The following ZNF366 variants were observed in gnomAD, a reference collection of about 807,000 sequenced individuals.
ZNF366 encodes zinc finger protein 366.
Under a neutral mutation model 47.2 loss-of-function variants are expected in ZNF366, and 20 were observed. That is an observed-to-expected ratio of 0.42 (90% CI 0.30 to 0.62). The LOEUF is 0.62. ZNF366 is among the 20% of genes least tolerant of loss of function. The pLI is 0.16. For synonymous variants in ZNF366, 421 were observed against 395.1 expected, an observed-to-expected ratio of 1.07 and a Z score of -0.78; for missense variants, 987 against 976.3, an observed-to-expected ratio of 1.01 and a Z score of -0.15.
chr5:72,462,584 T>A (rs1034606882), intron 1 of ZNF366, among the ~76,000 whole-genome samples: 1 of 144,878 alleles, frequency 6.9e-6, no homozygotes, highest in African/African-American at 2.6e-5. Flanking sequence ...CTGGCTCTGT[T>A]GCCCAGGCTG....
At chr5:72,497,107 C>A (rs141382077) in intron 1 of ZNF366, among the ~76,000 whole-genome samples, 1 of 151,978 alleles carries the variant, frequency 6.6e-6, no homozygotes, top group African/African-American at 2.4e-5. Flanking sequence ...ATTTTTATAA[C>A]GGTATCTTTT....
At chr5:72,445,423 G>A (rs1427749271) in intron 4 of ZNF366, among the ~76,000 whole-genome samples, 1 of 152,130 alleles carries the variant, frequency 6.6e-6, no homozygotes, top group East Asian at 1.9e-4. Context: ...TTTTGATGCT[G>A]TCAGGCAATG....
At chr5:72,476,228 A>T (rs1439682301) in intron 1 of ZNF366, among the ~76,000 whole-genome samples, 1 of 152,050 alleles carries the variant, frequency 6.6e-6, no homozygotes, top group Non-Finnish European at 1.5e-5. Context: ...ATCACTTTGG[A>T]AGTTTTAAAC....
chr5:72,463,518 A>T (rs1480817482), intron 1 of ZNF366, among the ~76,000 whole-genome samples: 1 of 152,224 alleles, frequency 6.6e-6, no homozygotes, highest in Non-Finnish European at 1.5e-5. Context: ...AGCAAATGGT[A>T]GGCCCAGCCT....
At chr5:72,472,192 C>T (rs895528464) in intron 1 of ZNF366, among the ~76,000 whole-genome samples, 1 of 152,158 alleles carries the variant, frequency 6.6e-6, no homozygotes, top group Non-Finnish European at 1.5e-5. Flanking sequence ...AGGAACTCAC[C>T]ATCTAGTGAA....
chr5:72,456,922 C>A (rs951685593), intron 2 of ZNF366, among the ~76,000 whole-genome samples: 4 of 151,992 alleles, frequency 2.6e-5, no homozygotes, highest in African/African-American at 9.7e-5. Flanking sequence ...AGTAAGAGCA[C>A]TATGGGCTGA....
chr5:72,481,636 A>T (rs999260140), intron 1 of ZNF366, among the ~76,000 whole-genome samples: 10 of 152,230 alleles, frequency 6.6e-5, no homozygotes, highest in Non-Finnish European at 1.3e-4. Context: ...TTATACTTAT[A>T]TTACTCATTT....
In ZNF366 at chr5:72,460,550, T is replaced by C. The variant is rs535536825; in HGVS notation, c.947A>G (p.Lys316Arg). The C allele has an allele frequency of 7.4e-6, 12 of 1,614,104 alleles. No homozygotes were observed. In the Admixed American group the frequency reaches 1.7e-4, roughly 22 times the overall value. The change falls in exon 2 of 5, where the codon AAG (lysine) becomes AGG (arginine). Residue 316 changes from lysine (K) to arginine (R), a missense_variant. Coordinates refer to ENST00000318442, the MANE Select transcript of ZNF366 (RefSeq NM_152625.3). ...TRPHKCQVCH[K>R]AFTQTSHLKR... ...CAGGTGGCTGGTCTGGGTGAAGGCCTTGTGGCACACCTGGCACTTGTGGGG... is the reference window on the plus strand; with the variant it reads ...CAGGTGGCTGGTCTGGGTGAAGGCCCTGTGGCACACCTGGCACTTGTGGGG...
At chr5:72,484,360 T>C (rs1459840970) in intron 1 of ZNF366, among the ~76,000 whole-genome samples, 1 of 149,148 alleles carries the variant, frequency 6.7e-6, no homozygotes, top group Admixed American at 6.7e-5. Flanking sequence ...GGCGGGCGCC[T>C]GTAGTCCCAG....
chr5:72,452,080 G>A (rs917981034), intron 3 of ZNF366, among the ~76,000 whole-genome samples: 43 of 152,200 alleles, frequency 2.8e-4, no homozygotes, highest in African/African-American at 9.9e-4. Context: ...AGCCAGCCTG[G>A]TGTGAGCTTT....
At chr5:72,462,708 G>A (rs572576276) in intron 1 of ZNF366, among the ~76,000 whole-genome samples, 3 of 151,774 alleles carry the variant, frequency 2.0e-5, no homozygotes, top group South Asian at 2.1e-4. Context: ...GCGCCACCAC[G>A]CCCTGTTAAT....
intron 1 of ZNF366, among the ~76,000 whole-genome samples, chr5:72,485,283 G>T (rs374113119): frequency 1.4e-4 from 21 of 152,290 alleles, no homozygotes; most frequent in South Asian, 6.2e-4. Context: ...TGAGGTCAGG[G>T]ATCCTGTTAG....
At chr5:72,462,903 T>C (rs1699252080) in intron 1 of ZNF366, among the ~76,000 whole-genome samples, 2 of 152,236 alleles carry the variant, frequency 1.3e-5, no homozygotes, top group Non-Finnish European at 2.9e-5. Flanking sequence ...AACCAAGTGC[T>C]AACTCCACAT....
Position 72,460,431 on chromosome 5 carries a change from C to G in ZNF366, c.1066G>C (p.Glu356Gln). The G allele has an allele frequency of 4.3e-6, 7 of 1,614,176 alleles. No individual in the cohort carries two copies. The highest frequency in any genetic ancestry group is 5.9e-6 in the Non-Finnish European group (7 of 1,180,030). ...FAYPSELKAHEAKHASGRENI... is the reference protein window; with the variant it reads ...FAYPSELKAHQAKHASGRENI... Reference sequence around the variant, plus strand: ...TCGCGCCCACTGGCGTGCTTGGCTTCGTGGGCCTTGAGCTCGCTGGGGTAG... The same window carrying G: ...TCGCGCCCACTGGCGTGCTTGGCTTGGTGGGCCTTGAGCTCGCTGGGGTAG... Residue 356 changes from glutamate to glutamine, a missense_variant, in exon 2 of 5, where the codon GAA becomes CAA. Transcript: ENST00000318442.
In ZNF366 at chr5:72,440,361, A is replaced by G. The variant is rs1742830211; in HGVS notation, c.*3395T>C. 6.6e-6 allele frequency: 1 copy of G among 152,234 alleles called. No homozygotes were observed. Among genetic ancestry groups the G allele is most frequent in the African/African-American group, 2.4e-5 (1 of 41,452 alleles). The allele number at this position is 152,234 out of a possible 1,614,324, so 9.4% of individuals were successfully genotyped here. Reference sequence around the variant, plus strand: ...ACAGAAAGAGGAATTGAAAGGTAACATGAGGAGTAATCATAGGAAAGAATA... The same window carrying G: ...ACAGAAAGAGGAATTGAAAGGTAACGTGAGGAGTAATCATAGGAAAGAATA... On this transcript the variant is annotated 3_prime_UTR_variant, in exon 5 of 5. Transcript: ENST00000318442.
chr5:72,478,365 C>A (rs944404570), intron 1 of ZNF366, among the ~76,000 whole-genome samples: 1 of 148,662 alleles, frequency 6.7e-6, no homozygotes, highest in African/African-American at 2.5e-5. Context: ...ATCATTTAAT[C>A]CCTGCATCAA....
chr5:72,460,141 G>A (rs766640874), intron 2 of ZNF366, 24 bp downstream of exon 2: 15 of 1,607,540 alleles, frequency 9.3e-6, no homozygotes, highest in Non-Finnish European at 1.3e-5. Context: ...GGCCCCGTCC[G>A]CCCCACCAGA....
At chr5:72,468,326 C>G (rs538689326) in intron 1 of ZNF366, among the ~76,000 whole-genome samples, 106 of 152,228 alleles carry the variant, frequency 7.0e-4, no homozygotes, top group Non-Finnish European at 9.9e-4. Context: ...CCTTCTGGCC[C>G]CCATTTAATT....
intron 1 of ZNF366, among the ~76,000 whole-genome samples, chr5:72,483,937 CT>C (rs898569727): frequency 6.6e-6 from 1 of 151,868 alleles, no homozygotes; most frequent in African/African-American, 2.4e-5. Flanking sequence ...AAAAAAAAAA[CT>C]TTTTATTAAG....
Sources: allele counts gnomAD v4.1 joint callset (sites outside exome capture counted in the v4.1 genomes callset), GRCh38; gene constraint gnomAD v4.1.1; transcripts MANE v1.5; gene names NCBI Gene and HGNC (gene_info 2026-07-23, HGNC 2026-07-21).